DSCAM: variants seen among roughly 807,000 people sequenced by gnomAD.
DSCAM encodes the protein cell adhesion molecule DSCAM.
In DSCAM, 47 loss-of-function variants were observed where a neutral mutation model predicts 217.7. The observed-to-expected ratio is 0.22, with a 90% confidence interval of 0.17 to 0.28. The LOEUF (loss-of-function observed/expected upper bound fraction) is 0.28, where lower values mean the gene tolerates loss of function less well. Ranked by LOEUF, DSCAM falls within the 10% of genes least tolerant of loss-of-function variation. The pLI, the probability that DSCAM is intolerant of heterozygous loss-of-function variation, is 1.00. For synonymous variants in DSCAM, 1,056 were observed against 1,015.3 expected (o/e 1.04, Z -0.76); for missense variants, 2,080 against 2,618.3 (o/e 0.79, Z 4.49).
At chr21:40,667,582 A>T (rs1264244556) in intron 3 of DSCAM, among the ~76,000 whole-genome samples, 1 of 152,078 alleles carries the variant, frequency 6.6e-6, no homozygotes, top group Non-Finnish European at 1.5e-5. Context: ...TAGTTCCCAT[A>T]ATCCCCACAT....
chr21:40,837,507 T>C (rs1231087740), intron 1 of DSCAM, among the ~76,000 whole-genome samples: 1 of 152,188 alleles, frequency 6.6e-6, no homozygotes, highest in African/African-American at 2.4e-5. Flanking sequence ...CACCAAGGAT[T>C]TAATAGCTAT....
chr21:40,278,515 T>G (rs2073718858), intron 10 of DSCAM, among the ~76,000 whole-genome samples: 1 of 152,066 alleles, frequency 6.6e-6, no homozygotes, highest in Non-Finnish European at 1.5e-5. Flanking sequence ...GGGGCAAGAC[T>G]TGAGACCAGG....
intron 3 of DSCAM, among the ~76,000 whole-genome samples, chr21:40,460,396 A>C (rs1253290273): frequency 6.6e-6 from 1 of 152,216 alleles, no homozygotes; most frequent in African/African-American, 2.4e-5. Context: ...ATTAGACAAA[A>C]ATATGGGAAA....
intron 8 of DSCAM, among the ~76,000 whole-genome samples, chr21:40,321,764 T>C (rs1011463432): frequency 1.3e-5 from 2 of 152,102 alleles, no homozygotes; most frequent in African/African-American, 2.4e-5. Context: ...CGAGGCCTGG[T>C]CCTCTCTGTG....
chr21:40,386,455 G>A (rs2075086202), intron 3 of DSCAM, among the ~76,000 whole-genome samples: 1 of 152,114 alleles, frequency 6.6e-6, no homozygotes, highest in Non-Finnish European at 1.5e-5. Context: ...CCTTGGAGCC[G>A]CCGCCCACGC....
At chr21:40,140,777 G>A (rs2090280172) in intron 18 of DSCAM, among the ~76,000 whole-genome samples, 1 of 152,200 alleles carries the variant, frequency 6.6e-6, no homozygotes, top group South Asian at 2.1e-4. Context: ...CTGTGGGGCT[G>A]TCCCTTCTTG....
At chr21:40,377,412 C>A (rs1238197831) in intron 3 of DSCAM, among the ~76,000 whole-genome samples, 1 of 152,036 alleles carries the variant, frequency 6.6e-6, no homozygotes, top group Non-Finnish European at 1.5e-5. Context: ...GGGCAGAAGC[C>A]ATGAGCACAG....
chr21:40,256,402 GAC>G (rs200004728), intron 11 of DSCAM, among the ~76,000 whole-genome samples: 7 of 150,058 alleles, frequency 4.7e-5, no homozygotes, highest in African/African-American at 1.8e-4. Context: ...GAGAGAGACA[GAC>G]AGAGAGAGAG....
At chr21:40,138,604 G>A (rs1008932792) in intron 18 of DSCAM, among the ~76,000 whole-genome samples, 2 of 145,072 alleles carry the variant, frequency 1.4e-5, no homozygotes, top group African/African-American at 5.2e-5. Flanking sequence ...GTGTAGGTGA[G>A]GTGTGTGTGG....
intron 3 of DSCAM, among the ~76,000 whole-genome samples, chr21:40,653,687 G>A (rs1601824451): frequency 1.3e-5 from 2 of 152,122 alleles, no homozygotes; most frequent in African/African-American, 2.4e-5. Context: ...TGTGATCATC[G>A]TGAATTAAAT....
intron 10 of DSCAM, among the ~76,000 whole-genome samples, chr21:40,287,566 G>T (rs925742496): frequency 6.6e-6 from 1 of 152,192 alleles, no homozygotes; most frequent in African/African-American, 2.4e-5. Flanking sequence ...AGCACAGCAT[G>T]TGTTTTCCCC....
At chr21:40,221,923 C>T (rs750552559) in intron 11 of DSCAM, among the ~76,000 whole-genome samples, 2 of 152,164 alleles carry the variant, frequency 1.3e-5, no homozygotes, top group Non-Finnish European at 2.9e-5. Context: ...GTGTTGGGTG[C>T]TCAAGAAAAG....
chr21:40,639,296 G>T (rs1267438621), intron 3 of DSCAM, among the ~76,000 whole-genome samples: 1 of 152,104 alleles, frequency 6.6e-6, no homozygotes, highest in Non-Finnish European at 1.5e-5. Flanking sequence ...TATGTATGTT[G>T]TCCAGTAGAA....
intron 11 of DSCAM, among the ~76,000 whole-genome samples, chr21:40,237,468 G>T (rs1212232494): frequency 6.6e-6 from 1 of 152,084 alleles, no homozygotes; most frequent in Non-Finnish European, 1.5e-5. Flanking sequence ...CGTGGTGTTT[G>T]GTTTTCTGTT....
chr21:40,817,086 C>CTT lies in DSCAM; in HGVS notation c.43+29531_43+29532dup, dbSNP rs397772533. ...TTAAAGATATGCAGTAAATTAGATTCTTTTTTTTTTTTGGTGCCAACAATT... is the reference window on the plus strand; with the variant it reads ...TTAAAGATATGCAGTAAATTAGATTCTTTTTTTTTTTTTTGGTGCCAACAATT... On this transcript the variant is annotated intron_variant, in intron 1 of 32. Coordinates refer to ENST00000400454, the MANE Select transcript of DSCAM (RefSeq NM_001389.5). 8.3e-3 allele frequency among the ~76,000 whole-genome samples: 1,225 copies of CTT among 147,558 alleles called. 11 individuals are homozygous for CTT. The highest frequency in any genetic ancestry group is 0.017 in the South Asian group (80 of 4,656).
intron 3 of DSCAM, among the ~76,000 whole-genome samples, chr21:40,650,678 G>T (rs537142217): frequency 5.3e-5 from 8 of 152,334 alleles, no homozygotes; most frequent in Middle Eastern, 3.4e-3. Context: ...CACTTTGGGA[G>T]GCCAAGGCGG....
chr21:40,064,392 C>A (rs1478057905), intron 27 of DSCAM, among the ~76,000 whole-genome samples: 1 of 152,162 alleles, frequency 6.6e-6, no homozygotes, highest in Non-Finnish European at 1.5e-5. Context: ...AATAATCTCT[C>A]CTTTTCCTAT....
rs757843473 is a variant in DSCAM, at chr21:40,347,824, T to C, written c.1056A>G (p.Glu352=). 5.0e-6 allele frequency: 8 copies of C among 1,614,050 alleles called. 1 individual carries two copies. In the South Asian group the frequency reaches 8.8e-5, roughly 18 times the overall value. ...DQELSWYRNG[E]ILNPGKNVRI... ...TCACATTTTTTCCAGGGTTGAGGAT[T>C]TCACCATTGCGGTACCAGGAGAGTT... The change falls in exon 6 of 33, where the codon GAA becomes GAG. Residue 352 remains glutamate, a synonymous_variant. Coordinates refer to ENST00000400454, the MANE Select transcript of DSCAM (RefSeq NM_001389.5).
At chr21:40,146,537 A>G (rs1170599452) in intron 16 of DSCAM, among the ~76,000 whole-genome samples, 2 of 152,172 alleles carry the variant, frequency 1.3e-5, no homozygotes, top group East Asian at 3.9e-4. Flanking sequence ...TCAGCCTGTC[A>G]TTAGTAGTAA....
Sources: allele counts gnomAD v4.1 joint callset (sites outside exome capture counted in the v4.1 genomes callset), GRCh38; gene constraint gnomAD v4.1.1; transcripts MANE v1.5; gene names NCBI Gene and HGNC (gene_info 2026-07-23, HGNC 2026-07-21).